The following RGPD8 variants were observed in gnomAD, a reference collection of about 807,000 sequenced individuals.
RGPD8 encodes the protein RANBP2 like and GRIP domain containing 8, also known as RANBP2-like and GRIP domain-containing protein 8.
RGPD8 carries 15 observed loss-of-function variants against 89.1 expected under a neutral mutation model. The observed-to-expected ratio is 0.17, with a 90% confidence interval of 0.11 to 0.26. The LOEUF (loss-of-function observed/expected upper bound fraction) is 0.26. RGPD8 is among the 10% of genes least tolerant of loss of function. RGPD8 has a pLI of 1.00. For missense variants in RGPD8, 178 were observed against 1,179.6 expected, an observed-to-expected ratio of 0.15 and a Z score of 12.44; for synonymous variants, 62 against 420.9, an observed-to-expected ratio of 0.15 and a Z score of 10.44.
At chr2:112,372,812 C>G (rs1473457768) in intron 22 of RGPD8, among the ~76,000 whole-genome samples, 1 of 69,144 alleles carries the variant, frequency 1.4e-5, no homozygotes, top group African/African-American at 8.2e-5. Context: ...CTCTGCAAAT[C>G]AAATCAGGCA....
intron 1 of RGPD8, among the ~76,000 whole-genome samples, chr2:112,425,443 A>G (rs1679729695): frequency 6.6e-6 from 1 of 152,232 alleles, no homozygotes; most frequent in African/African-American, 2.4e-5. Context: ...CCTTGGTTAC[A>G]TAAACTCCAA....
chr2:112,433,400 G>A lies in RGPD8; in HGVS notation c.54C>T (p.Leu18=). The change falls in exon 1 of 23, where the codon CTC becomes CTT. Residue 18 remains leucine (L), a synonymous_variant. Transcript: ENST00000302558. ...CACTCACCTGTCGAGGCGACGGGGTGAGACCCAGCACCGAGGCGACGTACC... is the reference window on the plus strand; with the variant it reads ...CACTCACCTGTCGAGGCGACGGGGTAAGACCCAGCACCGAGGCGACGTACC... ...VERYVASVLG[L]TPSPRQKSMK... is the part of the protein sequence containing the mutation. 6.2e-7 allele frequency: 1 copy of A among 1,610,444 alleles called. No homozygotes were observed. Among genetic ancestry groups the A allele is most frequent in the Non-Finnish European group, 8.5e-7 (1 of 1,179,098 alleles).
intron 1 of RGPD8, chr2:112,432,476 T>G (rs1464099562): frequency 1.1e-5 from 11 of 985,214 alleles, no homozygotes; most frequent in African/African-American, 1.7e-5. Context: ...AAGGGGACTT[T>G]CCGTGTCATT....
chr2:112,387,891 T>C (rs199623454), intron 20 of RGPD8, 133 bp downstream of exon 20: 447,270 of 1,095,470 alleles, frequency 0.41, 107,012 homozygotes, highest in Middle Eastern at 0.5. Flanking sequence ...AGAAAAAAAA[T>C]TGCTCAAATA....
At chr2:112,415,921 C>G (rs1679386751) in intron 6 of RGPD8, among the ~76,000 whole-genome samples, 1 of 151,606 alleles carries the variant, frequency 6.6e-6, no homozygotes, top group Admixed American at 6.6e-5. Context: ...TGAACCCCGT[C>G]TCTACTAAAA....
chr2:112,427,673 C>T (rs571316705), intron 1 of RGPD8, among the ~76,000 whole-genome samples: 28 of 151,020 alleles, frequency 1.9e-4, no homozygotes, highest in East Asian at 7.7e-4. Context: ...TTAATTCAAA[C>T]GGAGTCTCAC....
At chr2:112,410,533 T>G (rs1481146999) in intron 7 of RGPD8, among the ~76,000 whole-genome samples, 1 of 151,908 alleles carries the variant, frequency 6.6e-6, no homozygotes, top group African/African-American at 2.4e-5. Flanking sequence ...ATCCCAGCAC[T>G]TTGAGAGGCC....
chr2:112,416,088 C>CAAAAAAAAAAAAAAAAAAAAAAAAAAAAA (rs1168507298), intron 6 of RGPD8, among the ~76,000 whole-genome samples: 1 of 88,914 alleles, frequency 1.1e-5, no homozygotes, highest in African/African-American at 4.7e-5. Context: ...GACTCCATCT[C>CAAAAAAAAAAAAAAAAAAAAAAAAAAAAA]AAAAAAAAAA....
At chr2:112,402,528 G>GAAAAGAAAAGAAAAGAA (rs1383145048) in intron 9 of RGPD8, among the ~76,000 whole-genome samples, 14 of 152,196 alleles carry the variant, frequency 9.2e-5, no homozygotes, top group Non-Finnish European at 1.6e-4. Context: ...GAAAAGAAAA[G>GAAAAGAAAAGAAAAGAA]AAAAGGTTAT....
intron 2 of RGPD8, among the ~76,000 whole-genome samples, 179 bp downstream of exon 2, chr2:112,424,061 C>G (rs1679655687): frequency 6.6e-6 from 1 of 152,166 alleles, no homozygotes; most frequent in African/African-American, 2.4e-5. Flanking sequence ...ACACTAATTG[C>G]AGTTTCAATC....
intron 1 of RGPD8, among the ~76,000 whole-genome samples, 156 bp downstream of exon 1, chr2:112,433,226 G>C (rs1312635943): frequency 7.8e-6 from 1 of 128,132 alleles, no homozygotes; most frequent in Admixed American, 7.6e-5. Context: ...GGCCGCCGCC[G>C]GGCCGGGTGG....
At chr2:112,425,338 C>T (rs1679725313) in intron 1 of RGPD8, among the ~76,000 whole-genome samples, 1 of 150,376 alleles carries the variant, frequency 6.6e-6, no homozygotes, top group Non-Finnish European at 1.5e-5. Context: ...ACTGTTCTCT[C>T]TACAGATCAG....
chr2:112,371,142 C>A (rs71276730), intron 22 of RGPD8, among the ~76,000 whole-genome samples: 1 of 148,388 alleles, frequency 6.7e-6, no homozygotes, highest in East Asian at 2.0e-4. Flanking sequence ...AACTGAACCA[C>A]AACAAACAAA....
Position 112,377,423 on chromosome 2 carries a change from C to T in RGPD8, c.5263+630G>A, listed in dbSNP as rs535681158. Among the ~76,000 whole-genome samples the T allele has an allele frequency of 4.5e-5, 5 of 109,998 alleles. 1 individual carries two copies. Among genetic ancestry groups the T allele is most frequent in the South Asian group, 7.8e-4 (2 of 2,556 alleles). 72.2% of individuals were successfully genotyped at this position (109,998 alleles called of 152,430 possible). A position where few individuals can be genotyped will look rare whatever the true frequency, so the allele number is the denominator to read the frequency against. Reference sequence around the variant, plus strand: ...CCCCCTGAGTAGCTGGGACTACAGGCGCATGCCACCACGTCCAGCTAATTT... The same window carrying T: ...CCCCCTGAGTAGCTGGGACTACAGGTGCATGCCACCACGTCCAGCTAATTT... On this transcript the variant is annotated intron_variant, in intron 22 of 22. Coordinates refer to ENST00000302558, the MANE Select transcript of RGPD8 (RefSeq NM_001164463.1).
chr2:112,382,397 TAAGA>T (rs1678342558), intron 20 of RGPD8, among the ~76,000 whole-genome samples: 1 of 149,428 alleles, frequency 6.7e-6, no homozygotes, highest in Non-Finnish European at 1.5e-5. Flanking sequence ...AGTAATTAAA[TAAGA>T]CAGTGAAATT....
chr2:112,416,301 C>T (rs1189122041), intron 6 of RGPD8, among the ~76,000 whole-genome samples: 1 of 152,290 alleles, frequency 6.6e-6, no homozygotes, highest in African/African-American at 2.4e-5. Flanking sequence ...CAATTTAGGA[C>T]ACTATGTACT....
chr2:112,411,385 G>A (rs1321131511), intron 7 of RGPD8, among the ~76,000 whole-genome samples: 19 of 144,380 alleles, frequency 1.3e-4, no homozygotes, highest in Admixed American at 8.2e-4. Context: ...TGGCTACCAC[G>A]GTGAAACCCC....
At chr2:112,379,323 G>C (rs1246013514) in intron 21 of RGPD8, among the ~76,000 whole-genome samples, 1 of 151,528 alleles carries the variant, frequency 6.6e-6, no homozygotes, top group African/African-American at 2.4e-5. Flanking sequence ...TTGGCCAGGC[G>C]TGGTGGCTCA....
At chr2:112,433,315 C>A in intron 1 of RGPD8, 67 bp downstream of exon 1, 1 of 1,514,090 alleles carries the variant, frequency 6.6e-7, no homozygotes. Context: ...AGGCCGCCGC[C>A]GGGCCGGGTC....
Sources: gnomAD v4.1 joint callset for allele counts (sites outside exome capture counted in the v4.1 genomes callset) on GRCh38, gnomAD v4.1.1 for gene constraint, MANE v1.5 for transcripts, NCBI Gene and HGNC (gene_info 2026-07-23, HGNC 2026-07-21) for gene names.